Variants in TNS1 observed in about 807,000 individuals in gnomAD.
The protein encoded by TNS1 is tensin-1.
A neutral mutation model predicts 168.6 loss-of-function variants in TNS1; 62 were observed. The observed-to-expected ratio is 0.37, with a 90% CI of 0.30 to 0.45. The LOEUF (loss-of-function observed/expected upper bound fraction) is 0.45, where lower values mean the gene tolerates loss of function less well. TNS1 is among the 20% of genes least tolerant of loss of function. The probability of loss-of-function intolerance (pLI) is 1.00; values close to 1 mark genes in which losing one functional copy is unlikely to be tolerated. For missense variants in TNS1, 2,240 were observed against 2,339.4 expected, an observed-to-expected ratio of 0.96 and a Z score of 0.88; for synonymous variants, 934 against 933.2, an observed-to-expected ratio of 1.00 and a Z score of -0.02.
chr2:218,004,951 CA>C (rs1958645997), upstream of TNS1, among the ~76,000 whole-genome samples: 1 of 152,234 alleles, frequency 6.6e-6, no homozygotes, highest in African/African-American at 2.4e-5. Context: ...GAAACCTCTG[CA>C]AACCCTCCCG....
intron 11 of TNS1, among the ~76,000 whole-genome samples, chr2:217,891,491 G>A (rs1276142560): frequency 6.6e-6 from 1 of 152,290 alleles, no homozygotes; most frequent in African/African-American, 2.4e-5. Flanking sequence ...GTGCAGTAAA[G>A]GTGCAGCCTC....
chr2:217,838,744 C>A (rs1262349121), intron 19 of TNS1, among the ~76,000 whole-genome samples: 1 of 152,228 alleles, frequency 6.6e-6, no homozygotes, highest in Non-Finnish European at 1.5e-5. Context: ...TTCCCTCTCT[C>A]TTGTCTTGCT....
In TNS1 at chr2:217,986,501, C is replaced by T. The variant is rs1045035410; in HGVS notation, c.148+4441G>A. ...CATCCTGGTATCTTCCTGTGGGTTT[C>T]GGCCTGGTGGGAGGTAGAGCCCTTG... is the stretch of plus-strand genomic sequence containing the variant. On this transcript the variant is annotated intron_variant, in intron 2 of 32. Transcript: ENST00000682258. The surrounding 1 kb of genome is among the most constrained non-coding windows in gnomAD (Gnocchi z 4.7). Among the ~76,000 whole-genome samples the T allele has an allele frequency of 3.3e-5, 5 of 152,154 alleles. No homozygotes were observed. Among genetic ancestry groups the T allele is most frequent in the East Asian group, 1.9e-4 (1 of 5,184 alleles).
intron 4 of TNS1, among the ~76,000 whole-genome samples, chr2:217,915,805 T>G (rs545964074): frequency 1.3e-5 from 2 of 152,374 alleles, no homozygotes; most frequent in African/African-American, 2.4e-5. Flanking sequence ...GTTTGCTCCA[T>G]GTACAGTTTG....
intron 32 of TNS1, among the ~76,000 whole-genome samples, chr2:217,804,877 A>G (rs1281595313): frequency 1.3e-5 from 2 of 152,160 alleles, no homozygotes. Context: ...GAGGATTGAC[A>G]AGGCTGGATA....
At chr2:217,931,674 T>G (rs2125905789) in intron 3 of TNS1, among the ~76,000 whole-genome samples, 1 of 152,198 alleles carries the variant, frequency 6.6e-6, no homozygotes, top group East Asian at 1.9e-4. Flanking sequence ...GGTGTTCACC[T>G]CCCTGTTTCC....
intron 18 of TNS1, among the ~76,000 whole-genome samples, chr2:217,871,216 G>A (rs953719413): frequency 6.6e-6 from 1 of 152,192 alleles, no homozygotes; most frequent in African/African-American, 2.4e-5. Context: ...AACCTCTCCT[G>A]CTAGTATCTC....
chr2:217,835,454 G>A (rs557808619), intron 20 of TNS1, among the ~76,000 whole-genome samples: 1 of 152,182 alleles, frequency 6.6e-6, no homozygotes, highest in South Asian at 2.1e-4. Context: ...AATCTTCCAG[G>A]GCACACATTT....
At chr2:217,882,238 T>G in intron 17 of TNS1, 108 bp downstream of exon 17, 2 of 756,810 alleles carry the variant, frequency 2.6e-6, no homozygotes, top group Non-Finnish European at 4.4e-6. Context: ...GGCCTGCCTC[T>G]CAAAAATAAC....
intron 3 of TNS1, among the ~76,000 whole-genome samples, chr2:217,924,912 TA>T (rs1447421232): frequency 6.6e-6 from 1 of 152,214 alleles, no homozygotes; most frequent in Non-Finnish European, 1.5e-5. Context: ...AGTCTCATCA[TA>T]AGACCTGGGT....
intron 12 of TNS1, 91 bp from the exon 13 acceptor site, chr2:217,886,737 C>A (rs1574954699): frequency 1.0e-6 from 1 of 996,606 alleles, no homozygotes; most frequent in South Asian, 1.4e-5. Flanking sequence ...TTGCCCTAGA[C>A]CACTCACCTA....
chr2:217,834,621 C>G (rs1486849416), intron 21 of TNS1, among the ~76,000 whole-genome samples: 1 of 152,108 alleles, frequency 6.6e-6, no homozygotes, highest in East Asian at 1.9e-4. Flanking sequence ...GCTGGGGGCT[C>G]TGTCAGCCTG....
chr2:217,892,707 G>C (rs1574975884), intron 11 of TNS1, among the ~76,000 whole-genome samples: 1 of 152,010 alleles, frequency 6.6e-6, no homozygotes, highest in Non-Finnish European at 1.5e-5. Context: ...CTCAGGACAG[G>C]GCCTGCCTCC....
At position 217,990,888 on chromosome 2, in the gene TNS1, A is replaced by G; in HGVS notation, c.148+54T>C. Reference sequence around the variant, plus strand: ...GTCCCAGCCTGGCCCAGGCCCAGCCATCTCATTCCCCTGATGGGTGCTCCC... The same window carrying G: ...GTCCCAGCCTGGCCCAGGCCCAGCCGTCTCATTCCCCTGATGGGTGCTCCC... On this transcript the variant is annotated intron_variant, in intron 2 of 32. Transcript: ENST00000682258. The G allele has an allele frequency of 5.9e-6, 3 of 509,198 alleles. No individual in the cohort carries two copies. In the East Asian group the frequency reaches 9.1e-5, roughly 16 times the overall value. The allele number at this position is 509,198 out of a possible 1,614,324, so 31.5% of individuals were successfully genotyped here.
At position 217,802,110 on chromosome 2, in the gene TNS1, C is replaced by T. The variant is rs1937576253; in HGVS notation, c.*2349G>A. ...TGCCAGGAATAGGCTCCTGGGCTCTCCAGTGGGAGATGAGATATTTACAAA... is the reference window on the plus strand; with the variant it reads ...TGCCAGGAATAGGCTCCTGGGCTCTTCAGTGGGAGATGAGATATTTACAAA... On this transcript the variant is annotated 3_prime_UTR_variant, in exon 33 of 33. Transcript: ENST00000682258. 6.6e-6 allele frequency: 1 copy of T among 152,180 alleles called. No homozygotes were observed. Among genetic ancestry groups the T allele is most frequent in the Non-Finnish European group, 1.5e-5 (1 of 68,042 alleles). 9.4% of individuals were successfully genotyped at this position (152,180 alleles called of 1,614,324 possible).
intron 6 of TNS1, among the ~76,000 whole-genome samples, chr2:217,900,794 C>G (rs917228984): frequency 6.6e-6 from 1 of 152,188 alleles, no homozygotes; most frequent in Non-Finnish European, 1.5e-5. Flanking sequence ...GCCATCCACA[C>G]TGAGGGCACA....
chr2:217,832,289 G>C (rs1944551736), intron 21 of TNS1, among the ~76,000 whole-genome samples: 1 of 152,040 alleles, frequency 6.6e-6, no homozygotes, highest in African/African-American at 2.4e-5. Flanking sequence ...CGCCCATCTG[G>C]GTTACAAGTG....
intron 2 of TNS1, among the ~76,000 whole-genome samples, chr2:217,979,645 C>T (rs915221412): frequency 2.0e-5 from 3 of 152,268 alleles, no homozygotes; most frequent in Admixed American, 1.3e-4. Context: ...GCCGCCCCAC[C>T]CCCCAGGGCT....
At chr2:217,978,998 C>T (rs1957967298) in intron 2 of TNS1, 196 bp from the exon 3 acceptor site, 2 of 516,686 alleles carry the variant, frequency 3.9e-6, no homozygotes, top group African/African-American at 2.0e-5. Flanking sequence ...CGGGAGTGCC[C>T]GGGACTGAGG....
Sources: gnomAD v4.1 joint callset for allele counts (sites outside exome capture counted in the v4.1 genomes callset) on GRCh38, gnomAD v4.1.1 for gene constraint, Gnocchi (gnomAD v3.1) non-coding constraint, MANE v1.5 for transcripts, NCBI Gene and HGNC (gene_info 2026-07-23, HGNC 2026-07-21) for gene names.